CSMD1: variants seen among roughly 807,000 people sequenced by gnomAD.
CSMD1 encodes the protein CUB and Sushi multiple domains 1, also known as CUB and sushi domain-containing protein 1.
Under a neutral mutation model 417.5 loss-of-function variants are expected in CSMD1, and 213 were observed. The observed-to-expected ratio is 0.51, with a 90% CI of 0.46 to 0.57. The LOEUF (loss-of-function observed/expected upper bound fraction) is 0.57. Among genes scored for constraint, CSMD1 ranks in the 20% least tolerant of loss-of-function variants. The pLI is 0.00. For synonymous variants in CSMD1, 2,862 were observed against 1,736.8 expected, an observed-to-expected ratio of 1.65 and a Z score of -16.11; for missense variants, 6,923 against 4,529.7, an observed-to-expected ratio of 1.53 and a Z score of -15.17.
At position 3,920,315 on chromosome 8, in the gene CSMD1, G is replaced by C. The variant is rs560080285; in HGVS notation, c.818+77588C>G. 5.9e-5 allele frequency among the ~76,000 whole-genome samples: 9 copies of C among 152,074 alleles called. No individual in the cohort carries two copies. In the East Asian group the frequency reaches 1.6e-3, roughly 26 times the overall value. On this transcript the variant is annotated intron_variant, in intron 5 of 69. Coordinates refer to ENST00000635120, the MANE Select transcript of CSMD1 (RefSeq NM_033225.6). ...CTCCCAAAGTGCTGAGATTATAGGA[G>C]TGAGCCACCGTACGTGCCCTATTTT...
intron 3 of CSMD1, among the ~76,000 whole-genome samples, chr8:4,220,746 G>A (rs1351295357): frequency 6.6e-6 from 1 of 152,214 alleles, no homozygotes; most frequent in Non-Finnish European, 1.5e-5. Context: ...GAGAAAGACA[G>A]AGAAACAGGG....
intron 10 of CSMD1, among the ~76,000 whole-genome samples, chr8:3,538,560 T>A (rs370420808): frequency 3.0e-4 from 45 of 152,256 alleles, no homozygotes; most frequent in African/African-American, 1.1e-3. Flanking sequence ...TTGAGCTGGC[T>A]AACCTGAGTT....
At chr8:4,456,686 G>A (rs971889720) in intron 2 of CSMD1, among the ~76,000 whole-genome samples, 1 of 152,082 alleles carries the variant, frequency 6.6e-6, no homozygotes, top group Non-Finnish European at 1.5e-5. Context: ...GATGGATGCT[G>A]GCTCTGGTGG....
chr8:3,240,477 T>C (rs1304205547), intron 26 of CSMD1, among the ~76,000 whole-genome samples: 1 of 151,960 alleles, frequency 6.6e-6, no homozygotes, highest in Non-Finnish European at 1.5e-5. Context: ...TGAACACGAT[T>C]GGCAGGGAGA....
At chr8:4,729,200 A>G (rs1809687655) in intron 1 of CSMD1, among the ~76,000 whole-genome samples, 1 of 152,218 alleles carries the variant, frequency 6.6e-6, no homozygotes, top group African/African-American at 2.4e-5. Flanking sequence ...ACAAATAAAA[A>G]TGCTGTTTAA....
At chr8:4,872,982 A>C (rs906778237) in intron 1 of CSMD1, among the ~76,000 whole-genome samples, 8 of 152,094 alleles carry the variant, frequency 5.3e-5, no homozygotes, top group African/African-American at 1.2e-4. Flanking sequence ...TATATATTTA[A>C]GGTGTACAGT....
intron 1 of CSMD1, among the ~76,000 whole-genome samples, chr8:4,978,085 C>T (rs865829174): frequency 2.0e-4 from 30 of 152,270 alleles, no homozygotes; most frequent in Middle Eastern, 6.8e-3. Context: ...GTGTGTATCT[C>T]GATCATGGCC....
At chr8:4,438,912 C>A (rs1399259340) in intron 2 of CSMD1, among the ~76,000 whole-genome samples, 1 of 152,162 alleles carries the variant, frequency 6.6e-6, no homozygotes, top group East Asian at 1.9e-4. Context: ...TTTAAGTATG[C>A]ATAAGTAACA....
At chr8:3,574,924 G>C in intron 10 of CSMD1, 21 bp downstream of exon 10, 1 of 1,610,652 alleles carries the variant, frequency 6.2e-7, no homozygotes, top group Non-Finnish European at 8.5e-7. Context: ...TTAACCACAG[G>C]GGTTGGAGGC....
chr8:4,838,236 G>T (rs898077702), intron 1 of CSMD1, among the ~76,000 whole-genome samples: 1 of 152,132 alleles, frequency 6.6e-6, no homozygotes, highest in Admixed American at 6.6e-5. Context: ...TTTCGTTCTG[G>T]GTTTTATTCA....
At chr8:4,471,697 A>T (rs563729666) in intron 2 of CSMD1, among the ~76,000 whole-genome samples, 1 of 152,148 alleles carries the variant, frequency 6.6e-6, no homozygotes, top group East Asian at 1.9e-4. Flanking sequence ...CAGAGAGAAC[A>T]CGACCCATCT....
chr8:3,288,861 A>T lies in CSMD1; in HGVS notation c.3951-4515T>A, dbSNP rs529046267. ...ATTATTATACTTTAAGTTTTAGGGTACATGTGCACAACCTACAGGTTTGTT... is the reference window on the plus strand; with the variant it reads ...ATTATTATACTTTAAGTTTTAGGGTTCATGTGCACAACCTACAGGTTTGTT... On this transcript the variant is annotated intron_variant, in intron 25 of 69. Transcript: ENST00000635120. Among the ~76,000 whole-genome samples the T allele has an allele frequency of 2.1e-3, 312 of 146,984 alleles. 3 individuals carry two copies. Among genetic ancestry groups the T allele is most frequent in the Non-Finnish European group, 2.3e-3 (154 of 67,948 alleles).
chr8:3,828,910 G>A (rs551217310), intron 5 of CSMD1, among the ~76,000 whole-genome samples: 1 of 152,100 alleles, frequency 6.6e-6, no homozygotes, highest in African/African-American at 2.4e-5. Context: ...GTGGCCTTCA[G>A]CTCACCCATT....
chr8:3,424,355 G>A (rs1329616269), intron 12 of CSMD1, among the ~76,000 whole-genome samples: 1 of 152,184 alleles, frequency 6.6e-6, no homozygotes, highest in Non-Finnish European at 1.5e-5. Context: ...AACTTGGGAA[G>A]CTATTGAATA....
intron 68 of CSMD1, among the ~76,000 whole-genome samples, chr8:2,946,599 C>G (rs1585035368): frequency 6.6e-6 from 1 of 152,278 alleles, no homozygotes. Context: ...GACTAATATT[C>G]CATTGTATGG....
intron 25 of CSMD1, chr8:3,284,698 C>G (rs150845581): frequency 8.3e-4 from 211 of 255,412 alleles, no homozygotes; most frequent in African/African-American, 4.6e-3. Context: ...TTGGCATTGA[C>G]AGATGTGTTT....
In CSMD1 at chr8:3,252,553, G is replaced by T. The variant is rs1015097432; in HGVS notation, c.4154-22322C>A. On this transcript the variant is annotated intron_variant, in intron 26 of 69. Transcript: ENST00000635120. ...TTTGTTGTGTGTCTGCCAGGCTTTG[G>T]TATCAGGATGATGCTGGCCTCATAA... Among the ~76,000 whole-genome samples the T allele has an allele frequency of 3.3e-5, 5 of 152,248 alleles. No individual in the cohort carries two copies. The East Asian group carries it at 7.7e-4, about 24-fold the overall frequency.
intron 18 of CSMD1, among the ~76,000 whole-genome samples, chr8:3,375,635 A>C (rs112319261): frequency 2.2e-4 from 34 of 152,240 alleles, no homozygotes; most frequent in Admixed American, 5.9e-4. Context: ...CTTGTGCAGA[A>C]ACCCCCAGTA....
intron 4 of CSMD1, among the ~76,000 whole-genome samples, chr8:4,008,679 C>T (rs1225249408): frequency 1.6e-5 from 2 of 128,640 alleles, no homozygotes; most frequent in Non-Finnish European, 3.1e-5. Flanking sequence ...GGTGCGATCT[C>T]AGGTAACTGC....
Sources: allele counts gnomAD v4.1 joint callset (sites outside exome capture counted in the v4.1 genomes callset), GRCh38; gene constraint gnomAD v4.1.1; transcripts MANE v1.5; gene names NCBI Gene and HGNC (gene_info 2026-07-23, HGNC 2026-07-21).